GPX6: variants seen among roughly 807,000 people sequenced by gnomAD.
The protein encoded by GPX6 is glutathione peroxidase 6.
Under a neutral mutation model 20.0 loss-of-function variants are expected in GPX6, and 21 were observed. That is an observed-to-expected ratio of 1.05 (90% CI 0.74 to 1.51). GPX6 has a LOEUF of 1.51. Among genes scored for constraint, GPX6 ranks in the 40% most tolerant of loss-of-function variants. The pLI, the probability that GPX6 is intolerant of heterozygous loss-of-function variation, is 0.00. For synonymous variants in GPX6, 75 were observed against 98.0 expected (o/e 0.77, Z 1.38); for missense variants, 233 against 254.7 (o/e 0.91, Z 0.58).
At chr6:28,512,690 G>C (rs34560199) in intron 1 of GPX6, among the ~76,000 whole-genome samples, 13,108 of 152,184 alleles carry the variant, frequency 0.086, 671 homozygotes, top group African/African-American at 0.11. Context: ...TTTGCAATAA[G>C]TCTTGCTGCT....
intron 1 of GPX6, among the ~76,000 whole-genome samples, chr6:28,513,834 G>A (rs995291076): frequency 6.6e-6 from 1 of 152,192 alleles, no homozygotes; most frequent in Admixed American, 6.5e-5. Context: ...GAGCTACTGT[G>A]GGCAGAGTGG....
At chr6:28,515,599 G>A (rs1317415375) in intron 1 of GPX6, 58 bp downstream of exon 1, 1 of 1,332,822 alleles carries the variant, frequency 7.5e-7, no homozygotes, top group Non-Finnish European at 1.1e-6. Context: ...TGCAACTCTG[G>A]CAGCCAGGTT....
rs543585970 is a variant in GPX6 at position 28,503,725 on chromosome 6, C to T, written c.*567G>A. The T allele has an allele frequency of 2.0e-5, 3 of 153,110 alleles. No individual in the cohort carries two copies. Among genetic ancestry groups the T allele is most frequent in the Non-Finnish European group, 4.4e-5 (3 of 68,728 alleles). The allele number at this position is 153,110 out of a possible 1,614,324, so 9.5% of individuals were successfully genotyped here. A position where few individuals can be genotyped will look rare whatever the true frequency, so the allele number is the denominator to read the frequency against. ...TCTCACTCTGCCTTCAGAGGTCCTA[C>T]ATGAGAACTACTGGGTGGCAGGGGA... On this transcript the variant is annotated 3_prime_UTR_variant, in exon 5 of 5. Transcript: ENST00000361902.
At position 28,510,842 on chromosome 6, in the gene GPX6, G is replaced by A. The variant is rs763846244; in HGVS notation, c.150C>T (p.Gly50=). The A allele has an allele frequency of 4.3e-6, 7 of 1,613,708 alleles. No homozygotes were observed. Among genetic ancestry groups the A allele is most frequent in the African/African-American group, 2.7e-5 (2 of 74,884 alleles). The stretch of plus-strand genomic sequence containing the variant: ...ACTGCTTGAATTGGATGTACTCCTC[G>A]CCGTTGAGGGTGAGGGCTCCATACT... The part of the protein sequence containing the change: ...IYEYGALTLN[G]EEYIQFKQFA... The change falls in exon 2 of 5, where the codon GGC becomes GGT. Residue 50 remains glycine, a synonymous_variant. Coordinates refer to ENST00000361902, the MANE Select transcript of GPX6 (RefSeq NM_182701.1).
intron 2 of GPX6, 102 bp from the exon 3 acceptor site, chr6:28,506,531 G>T: frequency 1.4e-6 from 1 of 711,610 alleles, no homozygotes; most frequent in Non-Finnish European, 2.6e-6. Context: ...AATAAACCGA[G>T]GACTAAGAAG....
chr6:28,504,090 A>G lies in GPX6; in HGVS notation c.*202T>C. The G allele has an allele frequency of 1.7e-6, 1 of 582,058 alleles. No homozygotes were observed. Among genetic ancestry groups the G allele is most frequent in the South Asian group, 2.1e-5 (1 of 47,992 alleles). The allele number at this position is 582,058 out of a possible 1,614,324, so 36.1% of individuals were successfully genotyped here. Reference sequence around the variant, plus strand: ...TGCATATACCAACAAATACAATTCTACATATCCATACACACACACACACAC... The same window carrying G: ...TGCATATACCAACAAATACAATTCTGCATATCCATACACACACACACACAC... On this transcript the variant is annotated 3_prime_UTR_variant, in exon 5 of 5. Coordinates refer to ENST00000361902, the MANE Select transcript of GPX6 (RefSeq NM_182701.1).
chr6:28,515,530 G>C (rs761613574), intron 1 of GPX6, 127 bp downstream of exon 1: 3 of 693,058 alleles, frequency 4.3e-6, no homozygotes, highest in African/African-American at 1.8e-5. Flanking sequence ...GTCAGGATTT[G>C]TGAAGAAGGG....
intron 1 of GPX6, 70 bp downstream of exon 1, chr6:28,515,587 C>G: frequency 8.4e-7 from 1 of 1,185,980 alleles, no homozygotes; most frequent in Non-Finnish European, 1.3e-6. Flanking sequence ...TAGAGAACTC[C>G]TTGCAACTCT....
intron 1 of GPX6, among the ~76,000 whole-genome samples, chr6:28,515,260 C>A (rs1331245040): frequency 6.6e-6 from 1 of 152,166 alleles, no homozygotes; most frequent in Non-Finnish European, 1.5e-5. Flanking sequence ...GTAACCAGGG[C>A]AGCCTCCCTG....
At chr6:28,515,142 G>A (rs1021339020) in intron 1 of GPX6, among the ~76,000 whole-genome samples, 8 of 152,172 alleles carry the variant, frequency 5.3e-5, no homozygotes, top group African/African-American at 1.9e-4. Flanking sequence ...TAGGGGTGTG[G>A]TGGTGGGGAG....
At position 28,504,993 on chromosome 6, in the gene GPX6, T is replaced by C. The variant is rs142481101; in HGVS notation, c.460-495A>G. Reference sequence around the variant, plus strand: ...TTTTGCCAATAAGAAAAATTAAAAGTCTACTGTAAGCACACATTTAAAAAT... The same window carrying C: ...TTTTGCCAATAAGAAAAATTAAAAGCCTACTGTAAGCACACATTTAAAAAT... On this transcript the variant is annotated intron_variant, in intron 4 of 4. Transcript: ENST00000361902. Among the ~76,000 whole-genome samples, 188 of 152,252 alleles carry C rather than the reference T, an allele frequency of 1.2e-3. 6 individuals carry two copies. In the South Asian group the frequency reaches 0.034, roughly 28 times the overall value.
At chr6:28,513,428 T>C (rs1174832624) in intron 1 of GPX6, among the ~76,000 whole-genome samples, 1 of 152,158 alleles carries the variant, frequency 6.6e-6, no homozygotes, top group Non-Finnish European at 1.5e-5. Flanking sequence ...TCTGCTCCCG[T>C]ACAGGTTTGA....
intron 2 of GPX6, among the ~76,000 whole-genome samples, chr6:28,507,673 T>G (rs2113599262): frequency 6.6e-6 from 1 of 152,372 alleles, no homozygotes; most frequent in South Asian, 2.1e-4. Context: ...CAAGAGATTC[T>G]CATGCTTTAG....
At position 28,505,796 on chromosome 6, in the gene GPX6, C is replaced by T. The variant is rs372898956; in HGVS notation, c.366G>A (p.Val122=). The change falls in exon 4 of 5, where the codon GTG becomes GTA. Residue 122 remains valine (V), a synonymous_variant. Coordinates refer to ENST00000361902, the MANE Select transcript of GPX6 (RefSeq NM_182701.1). ...NSEILLGLKY[V]CPGSGFVPSF... ...TGGGGACAAAGCCACTACCTGGACA[C>T]ACATACCTGCAGTGAACCAAAGTTG... is the stretch of plus-strand genomic sequence containing the variant. The T allele has an allele frequency of 4.2e-4, 679 of 1,613,592 alleles. 9 individuals are homozygous for T. The South Asian group carries it at 5.5e-3, about 13-fold the overall frequency.
chr6:28,503,563 C>A lies in GPX6; in HGVS notation c.*729G>T, dbSNP rs1762776530. ...GCCCATCATTCAGAATACAGGGACA[C>A]CCCTGCCCAGGTGCCATGACCTGAA... is the stretch of plus-strand genomic sequence containing the variant. On this transcript the variant is annotated 3_prime_UTR_variant, in exon 5 of 5. Transcript: ENST00000361902. 6.6e-6 allele frequency: 1 copy of A among 152,252 alleles called. No homozygotes were observed. 9.4% of individuals were successfully genotyped at this position (152,252 alleles called of 1,614,324 possible).
In GPX6 at chr6:28,514,043, T is replaced by C. The variant is rs572116528; in HGVS notation, c.87+1614A>G. On this transcript the variant is annotated intron_variant, in intron 1 of 4. Transcript: ENST00000361902. Reference sequence around the variant, plus strand: ...TAAGAAACCCACTATGATGGAGTTATCATCTATATGCCTGCATTCGTTTTG... The same window carrying C: ...TAAGAAACCCACTATGATGGAGTTACCATCTATATGCCTGCATTCGTTTTG... Among the ~76,000 whole-genome samples, 13 of 152,366 alleles carry C rather than the reference T, an allele frequency of 8.5e-5. No homozygotes were observed. The South Asian group carries it at 1.7e-3, about 19-fold the overall frequency.
At position 28,505,819 on chromosome 6, in the gene GPX6, T is replaced by C. The variant is rs1311216860; in HGVS notation, c.360-17A>G. 1.9e-6 allele frequency: 3 copies of C among 1,594,904 alleles called. No individual in the cohort carries two copies. On this transcript the variant is annotated splice_polypyrimidine_tract_variant and intron_variant, in intron 3 of 4. Coordinates refer to ENST00000361902, the MANE Select transcript of GPX6 (RefSeq NM_182701.1). ...CACACATACCTGCAGTGAACCAAAGTTGTTCCCAGCAAGATACAAATTAAG... is the reference window on the plus strand; with the variant it reads ...CACACATACCTGCAGTGAACCAAAGCTGTTCCCAGCAAGATACAAATTAAG...
intron 1 of GPX6, among the ~76,000 whole-genome samples, chr6:28,512,233 T>A (rs1221206883): frequency 2.6e-5 from 4 of 152,270 alleles, no homozygotes; most frequent in Non-Finnish European, 5.9e-5. Context: ...ATCCACTGGC[T>A]GAAGCCAGCT....
intron 3 of GPX6, among the ~76,000 whole-genome samples, chr6:28,506,013 A>G (rs997390613): frequency 6.6e-6 from 1 of 152,208 alleles, no homozygotes; most frequent in Non-Finnish European, 1.5e-5. Context: ...TTGGAAGGCA[A>G]TATTTTGAGC....
Sources: allele counts gnomAD v4.1 joint callset (sites outside exome capture counted in the v4.1 genomes callset), GRCh38; gene constraint gnomAD v4.1.1; transcripts MANE v1.5; gene names NCBI Gene and HGNC (gene_info 2026-07-23, HGNC 2026-07-21).